Variants in ARVCF observed in about 807,000 individuals in gnomAD.
The protein encoded by ARVCF is ARVCF delta catenin family member, also known as splicing regulator ARVCF.
ARVCF carries 66 observed loss-of-function variants against 90.9 expected under a neutral mutation model. The ratio of observed to expected loss-of-function variants is 0.73; its 90% confidence interval spans 0.60 to 0.89. The LOEUF (loss-of-function observed/expected upper bound fraction) is 0.89, where lower values mean the gene tolerates loss of function less well. ARVCF is among the 40% of genes least tolerant of loss of function. The pLI, the probability that ARVCF is intolerant of heterozygous loss-of-function variation, is 0.00. For synonymous variants in ARVCF, 653 were observed against 603.4 expected (o/e 1.08, Z -1.21); for missense variants, 1,469 against 1,382.3 (o/e 1.06, Z -1.00).
chr22:19,969,778 A>G (rs142741838), downstream of ARVCF: 2,211 of 925,282 alleles, frequency 2.4e-3, 3 homozygotes, highest in Non-Finnish European at 2.6e-3. Flanking sequence ...TCTGCAGGAC[A>G]CAGCAGATGG....
At chr22:19,990,561 C>T (rs775475115) in intron 3 of ARVCF, 24 bp downstream of exon 3, 4 of 1,587,210 alleles carry the variant, frequency 2.5e-6, no homozygotes, top group Non-Finnish European at 2.6e-6. Context: ...AATTTTCACC[C>T]TTCCCAAGTC....
chr22:20,000,722 G>A (rs2106140), intron 2 of ARVCF, among the ~76,000 whole-genome samples: 57,006 of 152,068 alleles, frequency 0.37, 11,136 homozygotes, highest in Non-Finnish European at 0.44. Context: ...AGGGCCTTTA[G>A]GAGGTGATTA....
In ARVCF at chr22:19,970,204, ACCTTGCT is replaced by A; in HGVS notation, c.*545_*551del. ...GTGGGGCACCTGTAGCCTGACCCCC[ACCTTGCT>A]GCTTCCAAAGCTTCCTTGCCCAGGG... is the stretch of plus-strand genomic sequence containing the variant. On this transcript the variant is annotated 3_prime_UTR_variant, in exon 20 of 20. Coordinates refer to ENST00000263207, the MANE Select transcript of ARVCF (RefSeq NM_001670.3). The A allele has an allele frequency of 1.0e-6, 1 of 989,104 alleles. No homozygotes were observed. The allele number at this position is 989,104 out of a possible 1,614,324, so 61.3% of individuals were successfully genotyped here. A position where few individuals can be genotyped will look rare whatever the true frequency, so the allele number is the denominator to read the frequency against.
At chr22:19,986,905 G>A (rs969515184) in intron 3 of ARVCF, among the ~76,000 whole-genome samples, 5 of 152,148 alleles carry the variant, frequency 3.3e-5, no homozygotes, top group Middle Eastern at 3.2e-3. Flanking sequence ...ACCGCCACCC[G>A]CCCGGCCCTG....
intron 5 of ARVCF, 111 bp downstream of exon 5, chr22:19,981,100 C>T: frequency 7.4e-7 from 1 of 1,350,916 alleles, no homozygotes; most frequent in South Asian, 1.5e-5. Flanking sequence ...TTCAAACTAA[C>T]ATGCATGACT....
chr22:19,997,471 TGAG>T (rs1944294880), intron 2 of ARVCF, among the ~76,000 whole-genome samples: 1 of 152,168 alleles, frequency 6.6e-6, no homozygotes, highest in Non-Finnish European at 1.5e-5. Context: ...TGCCTCTCCA[TGAG>T]GAGACATGAG....
intron 2 of ARVCF, among the ~76,000 whole-genome samples, chr22:20,000,228 G>A (rs1944397408): frequency 6.6e-6 from 1 of 152,190 alleles, no homozygotes; most frequent in African/African-American, 2.4e-5. Flanking sequence ...GGTCCTGTGT[G>A]GCCTCTGGCC....
intron 2 of ARVCF, among the ~76,000 whole-genome samples, chr22:20,007,994 A>G (rs930584775): frequency 5.7e-5 from 6 of 105,330 alleles, no homozygotes; most frequent in African/African-American, 1.6e-4. Context: ...GACTACACAG[A>G]GAGACGGAAT....
At chr22:19,975,906 CAG>C (rs1252161355) in intron 10 of ARVCF, 149 bp from the exon 11 acceptor site, 1 of 766,042 alleles carries the variant, frequency 1.3e-6, no homozygotes, top group African/African-American at 1.7e-5. Flanking sequence ...GCACCGTTGT[CAG>C]AGTTTGGGCA....
chr22:19,979,507 G>A (rs1943358342), intron 6 of ARVCF: 1 of 640,550 alleles, frequency 1.6e-6, no homozygotes, highest in Non-Finnish European at 2.6e-6. Flanking sequence ...GGCAGGAGGT[G>A]AGGGGACATG....
downstream of ARVCF, among the ~76,000 whole-genome samples, chr22:19,966,341 C>A (rs1449868289): frequency 2.0e-5 from 3 of 150,672 alleles, no homozygotes; most frequent in African/African-American, 7.3e-5. Context: ...GGTTGCAATT[C>A]AAAATCAAGG....
At chr22:19,995,796 G>A (rs1325144927) in intron 2 of ARVCF, among the ~76,000 whole-genome samples, 3 of 152,042 alleles carry the variant, frequency 2.0e-5, no homozygotes, top group East Asian at 1.9e-4. Context: ...CCCCCCCCTC[G>A]AGGGGAGAGA....
rs376884775 is a variant in ARVCF, at chr22:19,980,090, C to T, written c.1049G>A (p.Arg350His). 2.0e-4 allele frequency: 311 copies of T among 1,582,728 alleles called. No individual in the cohort carries two copies. Among genetic ancestry groups the T allele is most frequent in the Non-Finnish European group, 2.5e-4 (295 of 1,166,524 alleles). Residue 350 changes from arginine to histidine, a missense_variant, in exon 6 of 20, where the codon CGC becomes CAC. Arg to His is a conservative substitution (Grantham distance 29). Coordinates refer to ENST00000263207, the MANE Select transcript of ARVCF (RefSeq NM_001670.3). ...AGGGTCCCGCCAGCGCGGCTCCTTG[C>T]GGGCGCTATCCACTGAGGGCGAGCG... ...VRRSPSVDSA[R>H]KEPRWRDPEL...
At position 19,970,598 on chromosome 22, in the gene ARVCF, G is replaced by A. The variant is rs1367357069; in HGVS notation, c.*158C>T. Reference sequence around the variant, plus strand: ...TGGGGGGAGTGGGGTGGGGGGGCAGGAGGGTGTCCCCAAAGTCAGGCTTGG... The same window carrying A: ...TGGGGGGAGTGGGGTGGGGGGGCAGAAGGGTGTCCCCAAAGTCAGGCTTGG... On this transcript the variant is annotated 3_prime_UTR_variant, in exon 20 of 20. Transcript: ENST00000263207. 1.6e-6 allele frequency: 2 copies of A among 1,252,472 alleles called. No homozygotes were observed. The highest frequency in any genetic ancestry group is 5.7e-5 in the East Asian group (1 of 17,586). The allele number at this position is 1,252,472 out of a possible 1,614,324, so 77.6% of individuals were successfully genotyped here.
In ARVCF at chr22:19,975,708, G is replaced by C. The variant is rs1943113682; in HGVS notation, c.1938C>G (p.Pro646=). 6.2e-7 allele frequency: 1 copy of C among 1,613,674 alleles called. No homozygotes were observed. The highest frequency in any genetic ancestry group is 8.5e-7 in the Non-Finnish European group (1 of 1,179,984). The change falls in exon 11 of 20, where the codon CCC becomes CCG. Residue 646 remains proline (P), a synonymous_variant. Transcript: ENST00000263207. ...CACCTTTGGCGGCCTCAGTTCGCTT[G>C]GGCAGGTCTAGCGTGTCAAAGTTCC... The part of the protein sequence containing the change: ...MDRNFDTLDL[P]KRTEAAKGFE...
chr22:19,977,194 G>C (rs1016899454), intron 9 of ARVCF, among the ~76,000 whole-genome samples: 1 of 152,164 alleles, frequency 6.6e-6, no homozygotes, highest in African/African-American at 2.4e-5. Context: ...GTACTCCCTG[G>C]GGGTCCCACA....
chr22:19,993,750 C>G (rs1944117572), intron 2 of ARVCF, among the ~76,000 whole-genome samples: 1 of 152,248 alleles, frequency 6.6e-6, no homozygotes, highest in Admixed American at 6.5e-5. Context: ...GACCAGACTT[C>G]AGGACCATGT....
In ARVCF at chr22:19,970,658, G is replaced by A. The variant is rs1942704910; in HGVS notation, c.*98C>T. On this transcript the variant is annotated 3_prime_UTR_variant, in exon 20 of 20. Transcript: ENST00000263207. ...GGCGCTGCCAACCCCTGCCGCCAGG[G>A]GGCTCCAAGCTCCACGGCACGATCT... is the stretch of plus-strand genomic sequence containing the variant. 1 of 1,284,718 alleles carries A rather than the reference G, an allele frequency of 7.8e-7. No homozygotes were observed. Among genetic ancestry groups the A allele is most frequent in the South Asian group, 1.2e-5 (1 of 80,310 alleles). The allele number at this position is 1,284,718 out of a possible 1,614,324, so 79.6% of individuals were successfully genotyped here. A position where few individuals can be genotyped will look rare whatever the true frequency, so the allele number is the denominator to read the frequency against.
intron 12 of ARVCF, 69 bp from the exon 13 acceptor site, chr22:19,973,862 G>A (rs2146252714): frequency 3.2e-6 from 5 of 1,545,990 alleles, no homozygotes; most frequent in Middle Eastern, 1.8e-4. Context: ...GACGCTGACC[G>A]CTCTCTCCAG....
Sources: gnomAD v4.1 joint callset for allele counts (sites outside exome capture counted in the v4.1 genomes callset) on GRCh38, gnomAD v4.1.1 for gene constraint, MANE v1.5 for transcripts, NCBI Gene and HGNC (gene_info 2026-07-23, HGNC 2026-07-21) for gene names.